ZBTB20: variants seen among roughly 807,000 people sequenced by gnomAD.
The protein encoded by ZBTB20 is zinc finger and BTB domain containing 20.
ZBTB20 carries 9 observed loss-of-function variants against 56.9 expected under a neutral mutation model. That is an observed-to-expected ratio of 0.16 (90% CI 0.10 to 0.28). The LOEUF is 0.28. Ranked by LOEUF, ZBTB20 falls within the 10% of genes least tolerant of loss-of-function variation. ZBTB20 has a pLI of 1.00. For synonymous variants in ZBTB20, 417 were observed against 420.7 expected (o/e 0.99, Z 0.11); for missense variants, 655 against 1,003.0 (o/e 0.65, Z 4.69).
intron 1 of ZBTB20, among the ~76,000 whole-genome samples, chr3:115,081,835 A>G (rs1370316933): frequency 6.6e-6 from 1 of 152,200 alleles, no homozygotes; most frequent in Non-Finnish European, 1.5e-5. Context: ...ACATTTCCAA[A>G]TAAACATTTT....
At chr3:114,883,916 CTTTTTTTTTTT>C (rs869141975) in intron 4 of ZBTB20, among the ~76,000 whole-genome samples, 7 of 89,774 alleles carry the variant, frequency 7.8e-5, no homozygotes, top group African/African-American at 1.6e-4. Flanking sequence ...ATGGTGTGTT[CTTTTTTTTTTT>C]TTTTTTTTTT....
chr3:114,803,779 GT>G (rs34171249), intron 4 of ZBTB20, among the ~76,000 whole-genome samples: 1,910 of 144,426 alleles, frequency 0.013, 31 homozygotes, highest in African/African-American at 0.041. Context: ...TCAACTTTCT[GT>G]TTTTTTTTTT....
intron 5 of ZBTB20, among the ~76,000 whole-genome samples, chr3:114,710,675 C>T (rs1023568682): frequency 3.9e-5 from 6 of 152,160 alleles, no homozygotes; most frequent in African/African-American, 1.4e-4. Context: ...CTTTTCATCC[C>T]CTCCCCACTG....
intron 2 of ZBTB20, among the ~76,000 whole-genome samples, chr3:115,014,152 AGC>A (rs1323913447): frequency 2.6e-5 from 4 of 151,754 alleles, no homozygotes; most frequent in Non-Finnish European, 5.9e-5. Context: ...AAGTGAAATA[AGC>A]TAGGCACAGA....
At chr3:114,568,539 T>C (rs1172759419) in intron 6 of ZBTB20, among the ~76,000 whole-genome samples, 1 of 152,188 alleles carries the variant, frequency 6.6e-6, no homozygotes, top group Non-Finnish European at 1.5e-5. Context: ...CAATGGAGCA[T>C]GGGAAAACCA....
intron 6 of ZBTB20, among the ~76,000 whole-genome samples, chr3:114,649,797 T>C (rs1419052637): frequency 6.6e-6 from 1 of 152,006 alleles, no homozygotes; most frequent in Admixed American, 6.6e-5. Flanking sequence ...AAATCTTTTA[T>C]AAAAGCATAA....
intron 6 of ZBTB20, among the ~76,000 whole-genome samples, chr3:114,666,095 G>A (rs1377573160): frequency 4.6e-5 from 7 of 151,920 alleles, no homozygotes; most frequent in Non-Finnish European, 8.8e-5. Context: ...TATCATGGCT[G>A]TACATCCAAG....
chr3:114,590,729 T>C (rs1277678046), intron 6 of ZBTB20, among the ~76,000 whole-genome samples: 1 of 152,070 alleles, frequency 6.6e-6, no homozygotes, highest in East Asian at 1.9e-4. Context: ...TTGGCAGTTT[T>C]TTTGCTTCTG....
chr3:114,789,840 G>C (rs2070807988), intron 5 of ZBTB20, among the ~76,000 whole-genome samples: 4 of 152,278 alleles, frequency 2.6e-5, no homozygotes, highest in African/African-American at 9.6e-5. Context: ...AAATATTTAA[G>C]CAGATTATAG....
rs1450837474 is a variant in ZBTB20, at chr3:114,827,281, C to A, written c.-416-26107G>T. 1.1e-4 allele frequency among the ~76,000 whole-genome samples: 16 copies of A among 151,634 alleles called. 1 individual carries two copies. The Admixed American group carries it at 1.1e-3, about 10-fold the overall frequency. On this transcript the variant is annotated intron_variant, in intron 4 of 11. Transcript: ENST00000675478. ...TTTTTGACCTCTACTGGAAATCTCACCTGCTACCCCTGACCTCGAATATTG... is the reference window on the plus strand; with the variant it reads ...TTTTTGACCTCTACTGGAAATCTCAACTGCTACCCCTGACCTCGAATATTG...
chr3:114,868,542 T>C lies in ZBTB20; in HGVS notation c.-417+31762A>G, dbSNP rs147024614. Among the ~76,000 whole-genome samples, 365 of 152,326 alleles carry C rather than the reference T, an allele frequency of 2.4e-3. 2 individuals carry two copies. Among genetic ancestry groups the C allele is most frequent in the African/African-American group, 8.2e-3 (340 of 41,564 alleles). ...CCTACCCAAATGTCTGCTGCTGATA[T>C]ATACATATGATTGCACAAATTCTAA... On this transcript the variant is annotated intron_variant, in intron 4 of 11. Coordinates refer to ENST00000675478, the MANE Select transcript of ZBTB20 (RefSeq NM_001348800.3).
intron 3 of ZBTB20, among the ~76,000 whole-genome samples, chr3:114,930,284 G>C (rs1328796158): frequency 6.6e-6 from 1 of 151,512 alleles, no homozygotes; most frequent in Non-Finnish European, 1.5e-5. Context: ...AGAAAGACGA[G>C]GTACCTTATA....
chr3:114,450,209 C>T (rs2091519307), intron 7 of ZBTB20, among the ~76,000 whole-genome samples: 1 of 152,142 alleles, frequency 6.6e-6, no homozygotes, highest in African/African-American at 2.4e-5. Flanking sequence ...CAGAAGACTG[C>T]ACTTTGGTGT....
chr3:114,935,645 A>G (rs2076507612), intron 3 of ZBTB20, among the ~76,000 whole-genome samples: 1 of 152,194 alleles, frequency 6.6e-6, no homozygotes, highest in Non-Finnish European at 1.5e-5. Flanking sequence ...CGGCCTGTGG[A>G]TACCTGGGAC....
chr3:115,091,316 A>T (rs893854031), intron 1 of ZBTB20, among the ~76,000 whole-genome samples: 1 of 151,976 alleles, frequency 6.6e-6, no homozygotes, highest in Admixed American at 6.6e-5. Flanking sequence ...CTAAATATAC[A>T]GCTAGAATAA....
intron 7 of ZBTB20, among the ~76,000 whole-genome samples, chr3:114,453,921 T>TG (rs1250656523): frequency 2.5e-4 from 20 of 80,306 alleles, no homozygotes; most frequent in Non-Finnish European, 3.1e-4. Flanking sequence ...TTAAGCTCAC[T>TG]CCCCCCCCCC....
At chr3:114,731,579 G>A (rs2065752319) in intron 5 of ZBTB20, among the ~76,000 whole-genome samples, 1 of 152,074 alleles carries the variant, frequency 6.6e-6, no homozygotes, top group East Asian at 1.9e-4. Context: ...TATGCCACAG[G>A]AATCCCCTAT....
intron 6 of ZBTB20, among the ~76,000 whole-genome samples, chr3:114,625,663 A>G (rs1376102348): frequency 6.6e-6 from 1 of 152,072 alleles, no homozygotes; most frequent in Non-Finnish European, 1.5e-5. Context: ...ATGATAAAAC[A>G]TAGGGGAACT....
intron 6 of ZBTB20, among the ~76,000 whole-genome samples, chr3:114,535,832 T>A (rs1296392874): frequency 6.6e-6 from 1 of 152,162 alleles, no homozygotes; most frequent in South Asian, 2.1e-4. Flanking sequence ...TCAATGATGG[T>A]TCAACATACA....
Sources: allele counts gnomAD v4.1 joint callset (sites outside exome capture counted in the v4.1 genomes callset), GRCh38; gene constraint gnomAD v4.1.1; transcripts MANE v1.5; gene names NCBI Gene and HGNC (gene_info 2026-07-23, HGNC 2026-07-21).